The following ZC3H7A variants were observed in gnomAD, a reference collection of about 807,000 sequenced individuals.
The protein encoded by ZC3H7A is zinc finger CCCH-type containing 7A.
Under a neutral mutation model 125.5 loss-of-function variants are expected in ZC3H7A, and 44 were observed. That is an observed-to-expected ratio of 0.35 (90% CI 0.28 to 0.45). The LOEUF (loss-of-function observed/expected upper bound fraction) is 0.45, where lower values mean the gene tolerates loss of function less well. Among genes scored for constraint, ZC3H7A ranks in the 20% least tolerant of loss-of-function variants. The pLI is 1.00. For synonymous variants in ZC3H7A, 399 were observed against 391.2 expected, an observed-to-expected ratio of 1.02 and a Z score of -0.23; for missense variants, 977 against 1,170.7, an observed-to-expected ratio of 0.83 and a Z score of 2.41.
intron 8 of ZC3H7A, among the ~76,000 whole-genome samples, chr16:11,774,764 G>A (rs1240227389): frequency 6.6e-6 from 1 of 152,206 alleles, no homozygotes; most frequent in African/African-American, 2.4e-5. Context: ...CACAGTGGGT[G>A]TCAGTGATTG....
intron 2 of ZC3H7A, among the ~76,000 whole-genome samples, chr16:11,781,827 T>C (rs1386819910): frequency 2.0e-5 from 3 of 152,150 alleles, no homozygotes; most frequent in South Asian, 4.1e-4. Flanking sequence ...ATAGAGAGAA[T>C]GTCTCCTTCC....
intron 21 of ZC3H7A, 82 bp downstream of exon 21, chr16:11,756,155 C>G: frequency 6.5e-7 from 1 of 1,536,794 alleles, no homozygotes; most frequent in Non-Finnish European, 8.7e-7. Context: ...CAACGAGACT[C>G]CATCTCAAAA....
At chr16:11,753,078 C>G (rs1356820026) in intron 21 of ZC3H7A, 1 of 440,340 alleles carries the variant, frequency 2.3e-6, no homozygotes, top group Non-Finnish European at 4.0e-6. Context: ...GGTATGCAAA[C>G]AAGGATGTTT....
intron 3 of ZC3H7A, 97 bp downstream of exon 3, chr16:11,781,328 T>A (rs935970285): frequency 1.3e-5 from 15 of 1,157,388 alleles, no homozygotes; most frequent in Non-Finnish European, 1.5e-5. Flanking sequence ...GCAGGCCAGA[T>A]TGGGCCCACA....
intron 10 of ZC3H7A, among the ~76,000 whole-genome samples, chr16:11,770,318 A>G (rs1016473812): frequency 6.6e-6 from 1 of 152,184 alleles, no homozygotes; most frequent in Admixed American, 6.5e-5. Context: ...AATCTCCTGT[A>G]AAGTTAAAGC....
Position 11,784,172 on chromosome 16 carries a change from G to A in ZC3H7A, c.-34-1784C>T, listed in dbSNP as rs186240644. On this transcript the variant is annotated intron_variant, in intron 1 of 22. Transcript: ENST00000355758. Reference sequence around the variant, plus strand: ...ATTTCTGGAATGTGCTTTTAAAACAGTTTAGCCAAAAGGGGGGTAGCTGGG... The same window carrying A: ...ATTTCTGGAATGTGCTTTTAAAACAATTTAGCCAAAAGGGGGGTAGCTGGG... 2.6e-5 allele frequency among the ~76,000 whole-genome samples: 4 copies of A among 152,178 alleles called. No individual in the cohort carries two copies. The East Asian group carries it at 5.8e-4, about 22-fold the overall frequency.
rs1181026364 is a variant in ZC3H7A at position 11,785,860 on chromosome 16, C to T, written c.-34-3472G>A. Among the ~76,000 whole-genome samples, 4 of 152,208 alleles carry T rather than the reference C, an allele frequency of 2.6e-5. No homozygotes were observed. In the East Asian group the frequency reaches 5.8e-4, roughly 22 times the overall value. Reference sequence around the variant, plus strand: ...GGTCTCGATCTCCTGACCTCATGATCTGCTCACCTAGGCCTCCCAAAGTGC... The same window carrying T: ...GGTCTCGATCTCCTGACCTCATGATTTGCTCACCTAGGCCTCCCAAAGTGC... On this transcript the variant is annotated intron_variant, in intron 1 of 22. Coordinates refer to ENST00000355758, the MANE Select transcript of ZC3H7A (RefSeq NM_014153.4).
intron 1 of ZC3H7A, among the ~76,000 whole-genome samples, chr16:11,790,088 A>G (rs921880493): frequency 2.0e-5 from 3 of 151,050 alleles, no homozygotes; most frequent in Admixed American, 1.3e-4. Flanking sequence ...TCAAAAAAAA[A>G]AAAAAAAAAA....
intron 21 of ZC3H7A, chr16:11,754,061 CAGG>C (rs1490437121): frequency 6.6e-6 from 1 of 151,734 alleles, no homozygotes; most frequent in African/African-American, 2.4e-5. Flanking sequence ...GAGGCCGAGG[CAGG>C]AGGAGTGCTT....
At chr16:11,766,307 G>A (rs971296272) in intron 13 of ZC3H7A, among the ~76,000 whole-genome samples, 2 of 152,242 alleles carry the variant, frequency 1.3e-5, no homozygotes, top group Non-Finnish European at 2.9e-5. Flanking sequence ...GCTCACACCT[G>A]TAATCCCAAC....
intron 19 of ZC3H7A, among the ~76,000 whole-genome samples, 163 bp downstream of exon 19, chr16:11,761,243 T>C (rs2052747476): frequency 6.6e-6 from 1 of 152,122 alleles, no homozygotes; most frequent in Non-Finnish European, 1.5e-5. Flanking sequence ...TATGGAACCA[T>C]ACATATACTA....
intron 1 of ZC3H7A, among the ~76,000 whole-genome samples, chr16:11,788,930 G>A (rs888645127): frequency 6.6e-6 from 1 of 152,022 alleles, no homozygotes; most frequent in Non-Finnish European, 1.5e-5. Context: ...ATATTCTATA[G>A]AACGATTCTG....
intron 1 of ZC3H7A, among the ~76,000 whole-genome samples, chr16:11,788,530 C>T (rs573848522): frequency 1.3e-5 from 2 of 152,292 alleles, no homozygotes; most frequent in Non-Finnish European, 2.9e-5. Context: ...TGCCCTTCCG[C>T]CCGTTTGCCC....
chr16:11,773,408 CAT>C (rs1355534114), intron 9 of ZC3H7A, among the ~76,000 whole-genome samples: 1 of 151,910 alleles, frequency 6.6e-6, no homozygotes, highest in Non-Finnish European at 1.5e-5. Context: ...ATATAATCTC[CAT>C]ATGTCACAAA....
chr16:11,783,921 T>G (rs2053212388), intron 1 of ZC3H7A, among the ~76,000 whole-genome samples: 1 of 151,992 alleles, frequency 6.6e-6, no homozygotes, highest in African/African-American at 2.4e-5. Context: ...ACTGAAGTGT[T>G]TACATGGGAA....
intron 1 of ZC3H7A, among the ~76,000 whole-genome samples, chr16:11,785,318 GAC>G (rs1296799339): frequency 1.3e-5 from 2 of 151,434 alleles, no homozygotes; most frequent in Non-Finnish European, 2.9e-5. Context: ...CAGCCTGGGT[GAC>G]AGAGTGAGAC....
chr16:11,765,438 T>C lies in ZC3H7A; in HGVS notation c.1719+51A>G. The C allele has an allele frequency of 6.8e-7, 1 of 1,470,196 alleles. No individual in the cohort carries two copies. Among genetic ancestry groups the C allele is most frequent in the Non-Finnish European group, 9.3e-7 (1 of 1,070,844 alleles). The allele number at this position is 1,470,196 out of a possible 1,614,324, so 91.1% of individuals were successfully genotyped here. On this transcript the variant is annotated intron_variant, in intron 14 of 22. Transcript: ENST00000355758. The surrounding 1 kb of genome is among the most constrained non-coding windows in gnomAD (Gnocchi z 4.8). ...TTATCACATGGCAGGACAATACCACTGGGCTTGCAAATTCAACTTTACAGT... is the reference window on the plus strand; with the variant it reads ...TTATCACATGGCAGGACAATACCACCGGGCTTGCAAATTCAACTTTACAGT...
intron 19 of ZC3H7A, 64 bp from the exon 20 acceptor site, chr16:11,758,603 C>T (rs1219478664): frequency 7.8e-6 from 9 of 1,152,210 alleles, no homozygotes; most frequent in South Asian, 1.3e-5. Context: ...CTAATTTTTA[C>T]ATTTAAGCAA....
intron 10 of ZC3H7A, 111 bp downstream of exon 10, chr16:11,770,672 G>A (rs2052963845): frequency 9.5e-7 from 1 of 1,050,974 alleles, no homozygotes; most frequent in Non-Finnish European, 1.3e-6. Context: ...TAGCTACAAA[G>A]AAAATAATTC....
Sources: allele counts gnomAD v4.1 joint callset (sites outside exome capture counted in the v4.1 genomes callset), GRCh38; gene constraint gnomAD v4.1.1; non-coding constraint Gnocchi (gnomAD v3.1); transcripts MANE v1.5; gene names NCBI Gene and HGNC (gene_info 2026-07-23, HGNC 2026-07-21).